HEMK2: variants seen among roughly 807,000 people sequenced by gnomAD.
HEMK2 encodes the protein methyltransferase HEMK2.
At chr21:28,635,101 C>CTT in the HEMK2 span, among the ~76,000 whole-genome samples, 123 of 142,882 alleles carry the variant, frequency 8.6e-4, no homozygotes, top group African/African-American at 9.3e-4. Flanking sequence ...ATGTCCTCAT[C>CTT]TTTTTTTTTT....
At chr21:28,605,745 A>G in the HEMK2 span, among the ~76,000 whole-genome samples, 1 of 152,204 alleles carries the variant, frequency 6.6e-6, no homozygotes. Flanking sequence ...TTATGTGTGT[A>G]TATGTGTATA....
chr21:28,820,162 A>G, the HEMK2 span, among the ~76,000 whole-genome samples: 1 of 152,144 alleles, frequency 6.6e-6, no homozygotes, highest in African/African-American at 2.4e-5. Flanking sequence ...ATTTTGAACT[A>G]AAGGCCTTTA....
At chr21:28,685,858 C>G in the HEMK2 span, among the ~76,000 whole-genome samples, 1 of 152,156 alleles carries the variant, frequency 6.6e-6, no homozygotes, top group Admixed American at 6.5e-5. Flanking sequence ...GTAAAATCCA[C>G]ACAACTTTGC....
chr21:28,768,996 C>T, the HEMK2 span, among the ~76,000 whole-genome samples: 1 of 151,964 alleles, frequency 6.6e-6, no homozygotes, highest in Non-Finnish European at 1.5e-5. Context: ...AACCAGCCAA[C>T]ATCTTAATCT....
the HEMK2 span, among the ~76,000 whole-genome samples, chr21:28,857,754 C>G: frequency 1.3e-5 from 2 of 152,172 alleles, no homozygotes; most frequent in African/African-American, 4.8e-5. Flanking sequence ...TTAAGAATAA[C>G]CAAAGATTTC....
the HEMK2 span, among the ~76,000 whole-genome samples, chr21:28,734,988 T>G: frequency 6.6e-6 from 1 of 152,144 alleles, no homozygotes; most frequent in East Asian, 1.9e-4. Flanking sequence ...TGTGGGTTGG[T>G]CAGGTGGCCC....
At chr21:28,876,083 T>C in the HEMK2 span, 4 of 183,068 alleles carry the variant, frequency 2.2e-5, no homozygotes, top group Non-Finnish European at 4.4e-5. Flanking sequence ...ACTGCCTTTA[T>C]GGACTGGTAT....
chr21:28,885,175 C>A, the HEMK2 span: 1 of 1,513,902 alleles, frequency 6.6e-7, no homozygotes, highest in Non-Finnish European at 9.0e-7. Flanking sequence ...CAGAAAGCCG[C>A]AACCCTTTCC....
At chr21:28,658,600 A>G in the HEMK2 span, among the ~76,000 whole-genome samples, 1 of 152,016 alleles carries the variant, frequency 6.6e-6, no homozygotes, top group East Asian at 1.9e-4. Flanking sequence ...AAAACAAATG[A>G]CATGTAAACA....
At chr21:28,603,842 T>C in the HEMK2 span, among the ~76,000 whole-genome samples, 3 of 152,198 alleles carry the variant, frequency 2.0e-5, no homozygotes, top group East Asian at 5.8e-4. Flanking sequence ...GACAGCAGTG[T>C]TGTCTTCAAT....
the HEMK2 span, among the ~76,000 whole-genome samples, chr21:28,658,056 T>C: frequency 5.0e-3 from 755 of 152,060 alleles, 6 homozygotes; most frequent in African/African-American, 0.017. Context: ...ATCCTAGAAG[T>C]TGTGGGATGC....
At chr21:28,839,714 T>C in the HEMK2 span, among the ~76,000 whole-genome samples, 3 of 152,070 alleles carry the variant, frequency 2.0e-5, no homozygotes, top group Non-Finnish European at 4.4e-5. Flanking sequence ...AAAGAAATCA[T>C]AGACAACATC....
chr21:28,593,944 C>T, the HEMK2 span, among the ~76,000 whole-genome samples: 1 of 152,118 alleles, frequency 6.6e-6, no homozygotes, highest in Admixed American at 6.6e-5. Context: ...TGGGGTAGAG[C>T]AACTTTCAAC....
chr21:28,805,544 T>C, the HEMK2 span, among the ~76,000 whole-genome samples: 6 of 152,224 alleles, frequency 3.9e-5, no homozygotes, highest in African/African-American at 1.4e-4. Flanking sequence ...GTCAGAAATT[T>C]GGAGGCTGCC....
the HEMK2 span, among the ~76,000 whole-genome samples, chr21:28,645,332 T>C: frequency 6.6e-6 from 1 of 152,204 alleles, no homozygotes. Context: ...CCTTCTACTC[T>C]AAACAGATTT....
chr21:28,807,001 A>G, the HEMK2 span, among the ~76,000 whole-genome samples: 1 of 152,214 alleles, frequency 6.6e-6, no homozygotes, highest in East Asian at 1.9e-4. Flanking sequence ...TTTCAGCTGG[A>G]AAATGTCAGA....
the HEMK2 span, chr21:28,873,789 G>A: frequency 6.6e-6 from 1 of 152,210 alleles, no homozygotes; most frequent in East Asian, 1.9e-4. Flanking sequence ...CTGAGGAGCA[G>A]TCTTAAACTT....
the HEMK2 span, among the ~76,000 whole-genome samples, chr21:28,820,452 C>G: frequency 6.6e-6 from 1 of 152,198 alleles, no homozygotes; most frequent in Non-Finnish European, 1.5e-5. Context: ...TGTCACAAAA[C>G]CTTGACTGCT....
At chr21:28,621,912 TC>T in the HEMK2 span, among the ~76,000 whole-genome samples, 1 of 152,196 alleles carries the variant, frequency 6.6e-6, no homozygotes, top group Non-Finnish European at 1.5e-5. Context: ...GCTGCATTGA[TC>T]CCTTTACCAT....
Sources: allele counts gnomAD v4.1 joint callset (sites outside exome capture counted in the v4.1 genomes callset), GRCh38; gene constraint gnomAD v4.1.1; transcripts MANE v1.5; gene names NCBI Gene and HGNC (gene_info 2026-07-23, HGNC 2026-07-21).